Variants in EXT2 observed in about 807,000 individuals in gnomAD.
The protein encoded by EXT2 is exostosin glycosyltransferase 2, also known as exostosin-2.
EXT2 carries 53 observed loss-of-function variants against 81.6 expected under a neutral mutation model. That is an observed-to-expected ratio of 0.65 (90% confidence interval 0.52 to 0.82). The LOEUF is 0.82. Ranked by LOEUF, EXT2 falls within the 40% of genes least tolerant of loss-of-function variation. EXT2 has a pLI of 0.00. For synonymous variants in EXT2, 320 were observed against 340.0 expected (o/e 0.94, Z 0.65); for missense variants, 774 against 910.2 (o/e 0.85, Z 1.93).
chr11:44,149,352 ACT>A (rs1185211808), intron 7 of EXT2, among the ~76,000 whole-genome samples: 4 of 152,040 alleles, frequency 2.6e-5, no homozygotes, highest in African/African-American at 9.6e-5. Flanking sequence ...ACAGAGCAAG[ACT>A]CTGTCTTAAA....
At chr11:44,226,463 G>C (rs1259237425) in intron 10 of EXT2, among the ~76,000 whole-genome samples, 1 of 152,226 alleles carries the variant, frequency 6.6e-6, no homozygotes, top group Non-Finnish European at 1.5e-5. Context: ...AGGAGTGAAT[G>C]AAGGCTCCTT....
chr11:44,191,665 G>A (rs148680844), intron 8 of EXT2, among the ~76,000 whole-genome samples: 35 of 152,262 alleles, frequency 2.3e-4, no homozygotes, highest in African/African-American at 8.2e-4. Flanking sequence ...AGCCAGCAGG[G>A]GGTCAGTTCT....
intron 6 of EXT2, among the ~76,000 whole-genome samples, chr11:44,129,071 C>T (rs1384519033): frequency 6.6e-6 from 1 of 152,196 alleles, no homozygotes; most frequent in Non-Finnish European, 1.5e-5. Flanking sequence ...TTCTCTTACC[C>T]ACCACATCTA....
At chr11:44,187,023 TTCCTTCCTTCCTTCCTTCCTTCCC>T (rs1295086691) in intron 8 of EXT2, among the ~76,000 whole-genome samples, 2 of 144,950 alleles carry the variant, frequency 1.4e-5, no homozygotes, top group Non-Finnish European at 3.0e-5. Flanking sequence ...CCTTCCTTCC[TTCCTTCCTTCCTTCCTTCCTTCCC>T]TCCTTCCCTC....
chr11:44,227,369 G>A (rs1165610671), intron 10 of EXT2, among the ~76,000 whole-genome samples: 1 of 152,200 alleles, frequency 6.6e-6, no homozygotes, highest in East Asian at 1.9e-4. Flanking sequence ...CACAATTGGT[G>A]GGTTAGTTCC....
At chr11:44,229,866 G>C (rs1955878559) in intron 10 of EXT2, among the ~76,000 whole-genome samples, 1 of 152,206 alleles carries the variant, frequency 6.6e-6, no homozygotes, top group African/African-American at 2.4e-5. Flanking sequence ...TCGTGTGTTA[G>C]ACAACTGTGT....
chr11:44,212,355 T>C (rs1239122058), intron 10 of EXT2, among the ~76,000 whole-genome samples: 1 of 149,924 alleles, frequency 6.7e-6, no homozygotes, highest in African/African-American at 2.5e-5. Flanking sequence ...AAATACAGGA[T>C]GATATAGAGG....
Position 44,095,874 on chromosome 11 carries a change from G to A in EXT2, c.-31+22G>A, listed in dbSNP as rs12365753. 105,417 of 201,212 alleles carry A rather than the reference G, an allele frequency of 0.52. 29,959 individuals carry two copies. Among genetic ancestry groups the A allele is most frequent in the East Asian group, 0.73 (4,868 of 6,636 alleles). 12.5% of individuals were successfully genotyped at this position (201,212 alleles called of 1,614,324 possible). ...CGAGGTAAGCGCGGCTCTCCAGGGC[G>A]GCGGCCGGGCGGGCGCTGAAGCGAG... On this transcript the variant is annotated intron_variant, in intron 1 of 13. Coordinates refer to ENST00000533608, the MANE Select transcript of EXT2 (RefSeq NM_207122.2).
At chr11:44,135,755 AG>A (rs1212350497) in intron 7 of EXT2, among the ~76,000 whole-genome samples, 1 of 152,224 alleles carries the variant, frequency 6.6e-6, no homozygotes, top group Non-Finnish European at 1.5e-5. Context: ...CCAGCTTTTC[AG>A]GTTTCACTTT....
Position 44,107,826 on chromosome 11 carries a change from T to A in EXT2, c.114T>A (p.Ile38=). 1 of 1,614,164 alleles carries A rather than the reference T, an allele frequency of 6.2e-7. No homozygotes were observed. The highest frequency in any genetic ancestry group is 8.5e-7 in the Non-Finnish European group (1 of 1,180,038). Residue 38 remains isoleucine (I), a synonymous_variant, in exon 2 of 14, where the codon ATT becomes ATA. Coordinates refer to ENST00000533608, the MANE Select transcript of EXT2 (RefSeq NM_207122.2). ...TCTCCATTGTCCTCCTGGGCCTCAT[T>A]GCCACTGGCATGTTTCAGTTTTGGC... is the stretch of plus-strand genomic sequence containing the variant. ...TLFSIVLLGL[I]ATGMFQFWPH... is the part of the protein sequence containing the mutation.
In EXT2 at chr11:44,108,025, A is replaced by G; in HGVS notation, c.313A>G (p.Lys105Glu). 1 of 1,614,156 alleles carries G rather than the reference A, an allele frequency of 6.2e-7. No homozygotes were observed. Among genetic ancestry groups the G allele is most frequent in the Non-Finnish European group, 8.5e-7 (1 of 1,180,028 alleles). Residue 105 changes from lysine (K) to glutamate (E), a missense_variant, in exon 2 of 14, where the codon AAG becomes GAG. Physicochemically the swap from Lys to Glu is moderately conservative, Grantham distance 56. Coordinates refer to ENST00000533608, the MANE Select transcript of EXT2 (RefSeq NM_207122.2). Reference sequence around the variant, plus strand: ...TGGCTTCAACCCAAAGAACAAAATCAAGGTGTATATCTATGCTCTGAAAAA... The same window carrying G: ...TGGCTTCAACCCAAAGAACAAAATCGAGGTGTATATCTATGCTCTGAAAAA... ...RCGFNPKNKI[K>E]VYIYALKKYV...
intron 7 of EXT2, among the ~76,000 whole-genome samples, chr11:44,170,370 A>T (rs190623237): frequency 6.6e-4 from 100 of 152,326 alleles, no homozygotes; most frequent in Non-Finnish European, 1.1e-3. Flanking sequence ...ATTAAAAATA[A>T]AGAAAGGTTG....
chr11:44,147,383 A>G (rs925327958), intron 7 of EXT2, among the ~76,000 whole-genome samples: 7 of 152,230 alleles, frequency 4.6e-5, no homozygotes, highest in African/African-American at 7.2e-5. Flanking sequence ...AGGAGACACT[A>G]TCTTACAGAA....
chr11:44,108,339 T>C, intron 2 of EXT2, 91 bp downstream of exon 2: 1 of 1,410,200 alleles, frequency 7.1e-7, no homozygotes, highest in Non-Finnish European at 9.8e-7. Flanking sequence ...ATGCTTCTGC[T>C]CTTGAGTTGG....
intron 7 of EXT2, among the ~76,000 whole-genome samples, chr11:44,134,287 G>T (rs1471714599): frequency 6.6e-6 from 1 of 152,058 alleles, no homozygotes; most frequent in Non-Finnish European, 1.5e-5. Flanking sequence ...TTTTTGGTGG[G>T]GGGAGAGATT....
At chr11:44,231,750 T>A (rs1404089609) in intron 10 of EXT2, among the ~76,000 whole-genome samples, 1 of 152,202 alleles carries the variant, frequency 6.6e-6, no homozygotes, top group African/African-American at 2.4e-5. Flanking sequence ...ATCCCCAGTA[T>A]ACCCAATTCT....
chr11:44,106,906 G>A (rs1954063491), intron 1 of EXT2, among the ~76,000 whole-genome samples: 1 of 152,218 alleles, frequency 6.6e-6, no homozygotes, highest in Non-Finnish European at 1.5e-5. Flanking sequence ...TGGGATTATA[G>A]ACGTGAGCCA....
At chr11:44,119,132 A>G (rs1190735493) in intron 4 of EXT2, among the ~76,000 whole-genome samples, 6 of 25,984 alleles carry the variant, frequency 2.3e-4, no homozygotes, top group African/African-American at 8.4e-4. Flanking sequence ...ATTTATATAT[A>G]TATATATATA....
At chr11:44,222,686 G>GA (rs1409665808) in intron 10 of EXT2, among the ~76,000 whole-genome samples, 1 of 151,088 alleles carries the variant, frequency 6.6e-6, no homozygotes, top group African/African-American at 2.4e-5. Context: ...AAACTTTTAG[G>GA]AAAAAAGGAG....
Sources: allele counts gnomAD v4.1 joint callset (sites outside exome capture counted in the v4.1 genomes callset), GRCh38; gene constraint gnomAD v4.1.1; transcripts MANE v1.5; gene names NCBI Gene and HGNC (gene_info 2026-07-23, HGNC 2026-07-21).